Variants in CACNA1D observed in about 807,000 individuals in gnomAD.
The protein encoded by CACNA1D is calcium voltage-gated channel subunit alpha1 D, also known as voltage-dependent L-type calcium channel subunit alpha-1D.
In CACNA1D, 55 loss-of-function variants were observed where a neutral mutation model predicts 257.1. The observed-to-expected ratio is 0.21, with a 90% confidence interval of 0.17 to 0.27. The LOEUF (loss-of-function observed/expected upper bound fraction) is 0.27, where lower values mean the gene tolerates loss of function less well. Among genes scored for constraint, CACNA1D ranks in the 10% least tolerant of loss-of-function variants. The pLI, the probability that CACNA1D is intolerant of heterozygous loss-of-function variation, is 1.00. For synonymous variants in CACNA1D, 980 were observed against 1,014.9 expected (o/e 0.97, Z 0.65); for missense variants, 1,876 against 2,784.0 (o/e 0.67, Z 7.34).
intron 3 of CACNA1D, among the ~76,000 whole-genome samples, chr3:53,606,668 A>G (rs1391518160): frequency 6.6e-6 from 1 of 152,226 alleles, no homozygotes; most frequent in Non-Finnish European, 1.5e-5. Context: ...TACCCACTTT[A>G]TTGAGCTAAA....
chr3:53,681,264 G>A (rs901813507), intron 8 of CACNA1D, among the ~76,000 whole-genome samples: 1 of 152,182 alleles, frequency 6.6e-6, no homozygotes, highest in Non-Finnish European at 1.5e-5. Context: ...AACTTAGATC[G>A]GCTGCTAGAA....
chr3:53,740,606 T>G (rs1176856936), intron 21 of CACNA1D: 1 of 429,064 alleles, frequency 2.3e-6, no homozygotes. Flanking sequence ...AAGTTTTTTT[T>G]TTTTGTTTTT....
In CACNA1D at chr3:53,691,683, A is replaced by G. The variant is rs1246713012; in HGVS notation, c.1221-10958A>G. 2.4e-5 allele frequency among the ~76,000 whole-genome samples: 3 copies of G among 125,528 alleles called. No individual in the cohort carries two copies. In the East Asian group the frequency reaches 6.4e-4, roughly 27 times the overall value. The allele number at this position is 125,528 out of a possible 152,430, so 82.4% of individuals were successfully genotyped here. A position where few individuals can be genotyped will look rare whatever the true frequency, so the allele number is the denominator to read the frequency against. On this transcript the variant is annotated intron_variant, in intron 8 of 47. Coordinates refer to ENST00000350061, the MANE Select transcript of CACNA1D (RefSeq NM_001128840.3). The stretch of plus-strand genomic sequence containing the variant: ...GTGTGTGTGTATATATGTAATATAT[A>G]TATTGCAGATATATATTACATATAT...
At position 53,673,764 on chromosome 3, in the gene CACNA1D, A is replaced by G. The variant is rs1196437594; in HGVS notation, c.1220+638A>G. ...GCCATGGGTGTATTTTGTTAGTCTGATCATCCTTGGCTCATTTTTCGTCCT... is the reference window on the plus strand; with the variant it reads ...GCCATGGGTGTATTTTGTTAGTCTGGTCATCCTTGGCTCATTTTTCGTCCT... On this transcript the variant is annotated intron_variant, in intron 8 of 47. Transcript: ENST00000350061. The surrounding 1 kb of genome is among the most constrained non-coding windows in gnomAD (Gnocchi z 4.1). 2 of 1,613,954 alleles carry G rather than the reference A, an allele frequency of 1.2e-6. No individual in the cohort carries two copies. Among genetic ancestry groups the G allele is most frequent in the Non-Finnish European group, 1.7e-6 (2 of 1,179,912 alleles).
intron 7 of CACNA1D, among the ~76,000 whole-genome samples, chr3:53,668,015 C>G (rs907403547): frequency 2.0e-5 from 3 of 152,160 alleles, no homozygotes; most frequent in African/African-American, 7.2e-5. Flanking sequence ...TAAATTGCAA[C>G]TTCTAGTCAG....
At chr3:53,557,631 A>G (rs997004593) in intron 3 of CACNA1D, among the ~76,000 whole-genome samples, 1 of 152,234 alleles carries the variant, frequency 6.6e-6, no homozygotes, top group African/African-American at 2.4e-5. Flanking sequence ...TGAAAAGCCT[A>G]TCCTTTCTCA....
intron 9 of CACNA1D, among the ~76,000 whole-genome samples, chr3:53,717,027 C>G (rs2094826777): frequency 1.3e-5 from 2 of 152,254 alleles, no homozygotes; most frequent in African/African-American, 4.8e-5. Context: ...CGCCATAGCG[C>G]TTCCAGCCCA....
intron 3 of CACNA1D, among the ~76,000 whole-genome samples, chr3:53,614,818 A>G (rs2093619945): frequency 6.6e-6 from 1 of 152,204 alleles, no homozygotes. Flanking sequence ...AGTTATCACC[A>G]TTCCCCAAAA....
At chr3:53,623,603 G>T (rs2093723160) in intron 3 of CACNA1D, among the ~76,000 whole-genome samples, 1 of 151,110 alleles carries the variant, frequency 6.6e-6, no homozygotes, top group Non-Finnish European at 1.5e-5. Flanking sequence ...AGATAATTAT[G>T]ATTTATCACC....
chr3:53,500,289 G>A (rs927111112), intron 2 of CACNA1D, among the ~76,000 whole-genome samples: 4 of 141,004 alleles, frequency 2.8e-5, no homozygotes, highest in Non-Finnish European at 4.6e-5. Flanking sequence ...AAAATTAGCC[G>A]GCGTGGTGGC....
intron 3 of CACNA1D, among the ~76,000 whole-genome samples, chr3:53,570,558 A>G (rs546666710): frequency 6.6e-6 from 1 of 152,360 alleles, no homozygotes; most frequent in East Asian, 1.9e-4. Flanking sequence ...AGCTATATTC[A>G]TGATAATTAT....
Position 53,759,500 on chromosome 3 carries a change from C to T in CACNA1D, c.3787-2498C>T, listed in dbSNP as rs561009866. On this transcript the variant is annotated intron_variant, in intron 29 of 47. Coordinates refer to ENST00000350061, the MANE Select transcript of CACNA1D (RefSeq NM_001128840.3). The stretch of plus-strand genomic sequence containing the variant: ...CACGCACCACAGCAGGTGCGAAGGG[C>T]GAACGCTGGGTCTCCTCCGCCTTGT... 3.4e-3 allele frequency among the ~76,000 whole-genome samples: 516 copies of T among 152,324 alleles called. 3 individuals carry two copies. Among genetic ancestry groups the T allele is most frequent in the African/African-American group, 0.011 (473 of 41,576 alleles).
intron 3 of CACNA1D, among the ~76,000 whole-genome samples, chr3:53,581,233 T>G (rs1473823338): frequency 6.6e-6 from 1 of 152,230 alleles, no homozygotes; most frequent in Admixed American, 6.5e-5. Context: ...GTGGCTAATG[T>G]GTATGCACCT....
chr3:53,620,219 T>A, intron 3 of CACNA1D, among the ~76,000 whole-genome samples: 1 of 151,644 alleles, frequency 6.6e-6, no homozygotes, highest in Non-Finnish European at 1.5e-5. Context: ...GGCCTGGAGG[T>A]GTGGGAGTGG....
At chr3:53,710,622 C>T (rs17053382) in intron 9 of CACNA1D, 8,632 of 355,598 alleles carry the variant, frequency 0.024, 170 homozygotes, top group East Asian at 0.096. Flanking sequence ...TTCTTCTTGT[C>T]TTTTTCCAAA....
chr3:53,575,306 C>G (rs2093017427), intron 3 of CACNA1D, among the ~76,000 whole-genome samples: 1 of 152,100 alleles, frequency 6.6e-6, no homozygotes, highest in African/African-American at 2.4e-5. Context: ...CAGAGAGGCA[C>G]TTGCCAACCT....
At chr3:53,706,051 G>T (rs3774538) in intron 9 of CACNA1D, among the ~76,000 whole-genome samples, 4,674 of 152,304 alleles carry the variant, frequency 0.031, 88 homozygotes, top group East Asian at 0.088. Context: ...CTCCCTGGGG[G>T]TGTGAGATCA....
intron 3 of CACNA1D, among the ~76,000 whole-genome samples, chr3:53,519,773 C>A (rs1215199625): frequency 4.6e-5 from 7 of 152,194 alleles, no homozygotes. Flanking sequence ...CCCAAAGAAA[C>A]CCCATACCTA....
intron 3 of CACNA1D, among the ~76,000 whole-genome samples, chr3:53,607,171 C>G (rs1361504569): frequency 6.6e-6 from 1 of 152,144 alleles, no homozygotes; most frequent in Non-Finnish European, 1.5e-5. Flanking sequence ...TTTTATTACC[C>G]TTGGGAAAAA....
Sources: gnomAD v4.1 joint callset for allele counts (sites outside exome capture counted in the v4.1 genomes callset) on GRCh38, gnomAD v4.1.1 for gene constraint, Gnocchi (gnomAD v3.1) non-coding constraint, MANE v1.5 for transcripts, NCBI Gene and HGNC (gene_info 2026-07-23, HGNC 2026-07-21) for gene names.